Variants in ABCC3 observed in about 807,000 individuals in gnomAD.
ABCC3 encodes ATP-binding cassette sub-family C member 3.
Under a neutral mutation model 165.3 loss-of-function variants are expected in ABCC3, and 121 were observed. The observed-to-expected ratio is 0.73, with a 90% CI of 0.63 to 0.85. The LOEUF is 0.85. Among genes scored for constraint, ABCC3 ranks in the 40% least tolerant of loss-of-function variants. The pLI is 0.00. For missense variants in ABCC3, 1,869 were observed against 1,964.1 expected, an observed-to-expected ratio of 0.95 and a Z score of 0.92; for synonymous variants, 733 against 810.1, an observed-to-expected ratio of 0.90 and a Z score of 1.62.
At chr17:50,682,862 T>C (rs566284882) in intron 26 of ABCC3, among the ~76,000 whole-genome samples, 26 of 151,756 alleles carry the variant, frequency 1.7e-4, no homozygotes, top group Non-Finnish European at 2.2e-4. Context: ...AATGAATGGG[T>C]AAAGGTAATG....
chr17:50,674,036 CTTTCTTTCTTTCTTTCTTTCTT>C (rs1184731309), intron 19 of ABCC3, among the ~76,000 whole-genome samples: 11 of 23,216 alleles, frequency 4.7e-4, no homozygotes, highest in African/African-American at 7.0e-4. Flanking sequence ...CTCTCTCTCT[CTTTCTTTCTTTCTTTCTTTCTT>C]TCTTTCTTTC....
intron 5 of ABCC3, 39 bp from the exon 6 acceptor site, chr17:50,658,396 G>A: frequency 6.2e-7 from 1 of 1,600,522 alleles, no homozygotes; most frequent in Non-Finnish European, 8.6e-7. Flanking sequence ...AGGGTGGTGG[G>A]CACTCCTGAT....
At chr17:50,645,046 C>CA (rs1966976351) in intron 1 of ABCC3, among the ~76,000 whole-genome samples, 1 of 150,554 alleles carries the variant, frequency 6.6e-6, no homozygotes, top group Non-Finnish European at 1.5e-5. Context: ...AAACAGAAAA[C>CA]AAAAATTAGC....
chr17:50,672,318 G>C (rs145604462), intron 17 of ABCC3, among the ~76,000 whole-genome samples: 35 of 152,292 alleles, frequency 2.3e-4, no homozygotes, highest in African/African-American at 8.2e-4. Context: ...TGTCCTCAAG[G>C]CATATCCATG....
chr17:50,674,944 T>C (rs990934727), intron 19 of ABCC3, among the ~76,000 whole-genome samples: 4 of 151,630 alleles, frequency 2.6e-5, no homozygotes, highest in Admixed American at 2.6e-4. Flanking sequence ...GGATTATAGG[T>C]GCCCGCCACC....
At chr17:50,656,099 AT>A in intron 2 of ABCC3, 91 bp downstream of exon 2, 1 of 1,088,860 alleles carries the variant, frequency 9.2e-7, no homozygotes, top group Non-Finnish European at 1.2e-6. Flanking sequence ...TAATTAATTA[AT>A]TTAGAGACAG....
intron 19 of ABCC3, among the ~76,000 whole-genome samples, chr17:50,673,900 T>C (rs374429522): frequency 7.6e-6 from 1 of 131,514 alleles, no homozygotes; most frequent in East Asian, 2.4e-4. Context: ...TCAGAGCCTG[T>C]TTTCTTTCTT....
chr17:50,682,361 A>AT, intron 26 of ABCC3, among the ~76,000 whole-genome samples: 1 of 151,788 alleles, frequency 6.6e-6, no homozygotes, highest in East Asian at 1.9e-4. Context: ...AAAAAAAAAA[A>AT]AAAATCAAAT....
At chr17:50,661,159 G>A (rs1567830344) in intron 8 of ABCC3, 45 bp downstream of exon 8, 1 of 1,514,590 alleles carries the variant, frequency 6.6e-7, no homozygotes, top group Non-Finnish European at 8.9e-7. Context: ...CTGGGCAGCA[G>A]GGCTGGCTGG....
chr17:50,634,932 GC>G lies in ABCC3; in HGVS notation c.-1del. The stretch of plus-strand genomic sequence containing the variant: ...TCGCCTTCCTTGCAGCCGCGCCTCG[GC>G]CCCATGGACGCCCTGTGCGGTTCCG... On this transcript the variant is annotated 5_prime_UTR_variant, in exon 1 of 31. Transcript: ENST00000285238. 2.4e-6 allele frequency: 3 copies of G among 1,256,748 alleles called. No individual in the cohort carries two copies. The highest frequency in any genetic ancestry group is 6.5e-5 in the South Asian group (2 of 30,566). The allele number at this position is 1,256,748 out of a possible 1,614,324, so 77.8% of individuals were successfully genotyped here. A position where few individuals can be genotyped will look rare whatever the true frequency, so the allele number is the denominator to read the frequency against.
chr17:50,677,721 C>T lies in ABCC3; in HGVS notation c.3379-23C>T, dbSNP rs753459482. The T allele has an allele frequency of 8.1e-6, 13 of 1,611,158 alleles. No individual in the cohort carries two copies. The South Asian group carries it at 1.4e-4, about 18-fold the overall frequency. On this transcript the variant is annotated intron_variant, in intron 23 of 30. Coordinates refer to ENST00000285238, the MANE Select transcript of ABCC3 (RefSeq NM_003786.4). ...GTTGGGGGTTCCATGGCCCTGACCC[C>T]AAACTCCTTCTCCCTCCATCAGCGC...
intron 30 of ABCC3, among the ~76,000 whole-genome samples, chr17:50,690,684 T>C (rs1383300680): frequency 3.3e-5 from 5 of 152,158 alleles, no homozygotes; most frequent in African/African-American, 4.8e-5. Context: ...CAGATTCCAG[T>C]GTCAGCCTCG....
Position 50,634,909 on chromosome 17 carries a change from G to A in ABCC3, c.-28G>A, listed in dbSNP as rs756760661. The stretch of plus-strand genomic sequence containing the variant: ...CCCGCCGCTGGGTCCGACCGCGCTC[G>A]CCTTCCTTGCAGCCGCGCCTCGGCC... On this transcript the variant is annotated 5_prime_UTR_variant, in exon 1 of 31. Coordinates refer to ENST00000285238, the MANE Select transcript of ABCC3 (RefSeq NM_003786.4). 8.8e-6 allele frequency: 11 copies of A among 1,252,190 alleles called. No individual in the cohort carries two copies. Among genetic ancestry groups the A allele is most frequent in the South Asian group, 3.3e-5 (1 of 30,662 alleles). 77.6% of individuals were successfully genotyped at this position (1,252,190 alleles called of 1,614,324 possible).
At chr17:50,664,855 G>T in intron 10 of ABCC3, 1 of 343,558 alleles carries the variant, frequency 2.9e-6, no homozygotes, top group Non-Finnish European at 5.4e-6. Flanking sequence ...AGGGAGGAAA[G>T]AAAGTCTTGG....
intron 10 of ABCC3, 125 bp from the exon 11 acceptor site, chr17:50,665,028 C>T: frequency 3.9e-6 from 3 of 778,544 alleles, no homozygotes; most frequent in East Asian, 5.0e-5. Context: ...TGGCCAACCA[C>T]CATCTTTTGC....
intron 1 of ABCC3, among the ~76,000 whole-genome samples, chr17:50,647,500 G>A (rs890742908): frequency 6.6e-6 from 1 of 152,216 alleles, no homozygotes; most frequent in African/African-American, 2.4e-5. Flanking sequence ...TTGAGCTGTT[G>A]ATCTGGATTT....
At chr17:50,674,215 C>A (rs190521568) in intron 19 of ABCC3, 3 of 151,276 alleles carry the variant, frequency 2.0e-5, no homozygotes, top group African/African-American at 2.4e-5. Context: ...TACAGGCATG[C>A]GCCACCACGC....
chr17:50,676,145 G>A (rs1276435531), intron 22 of ABCC3, 55 bp downstream of exon 22: 1 of 1,603,790 alleles, frequency 6.2e-7, no homozygotes, highest in African/African-American at 1.3e-5. Context: ...TCTCTGGGCT[G>A]CCAGGCCCCC....
chr17:50,662,692 C>T (rs1967420261), intron 8 of ABCC3, among the ~76,000 whole-genome samples: 1 of 150,798 alleles, frequency 6.6e-6, no homozygotes. Flanking sequence ...GGGCTGGGGC[C>T]ACTGGGGCCC....
Sources: allele counts gnomAD v4.1 joint callset (sites outside exome capture counted in the v4.1 genomes callset), GRCh38; gene constraint gnomAD v4.1.1; transcripts MANE v1.5; gene names NCBI Gene and HGNC (gene_info 2026-07-23, HGNC 2026-07-21).